The following AGL variants were observed in gnomAD, a reference collection of about 807,000 sequenced individuals.
AGL encodes the protein glycogen debranching enzyme.
AGL carries 128 observed loss-of-function variants against 199.3 expected under a neutral mutation model. The ratio of observed to expected loss-of-function variants is 0.64; its 90% CI spans 0.56 to 0.74. The LOEUF is 0.74. Ranked by LOEUF, AGL falls within the 30% of genes least tolerant of loss-of-function variation. The probability of loss-of-function intolerance (pLI) is 0.00; values close to 1 mark genes in which losing one functional copy is unlikely to be tolerated. For synonymous variants in AGL, 584 were observed against 594.7 expected (o/e 0.98, Z 0.26); for missense variants, 1,809 against 1,820.8 (o/e 0.99, Z 0.12).
intron 17 of AGL, among the ~76,000 whole-genome samples, chr1:99,883,132 T>C (rs1652184865): frequency 3.9e-5 from 6 of 152,198 alleles, no homozygotes; most frequent in Admixed American, 3.9e-4. Flanking sequence ...TTCTATAGTA[T>C]GTTTAGTAGT....
chr1:99,849,357 T>C (rs1648725241), upstream of AGL, among the ~76,000 whole-genome samples: 1 of 152,148 alleles, frequency 6.6e-6, no homozygotes, highest in Non-Finnish European at 1.5e-5. Context: ...AAATCTTCTG[T>C]CCATTTTCTC....
chr1:99,901,671 G>GTT (rs532960880), intron 26 of AGL, among the ~76,000 whole-genome samples: 1 of 139,456 alleles, frequency 7.2e-6, no homozygotes, highest in African/African-American at 2.7e-5. Flanking sequence ...ATTTTTGAGT[G>GTT]TTTTTTTTTC....
intron 2 of AGL, among the ~76,000 whole-genome samples, chr1:99,858,549 G>A (rs1162734854): frequency 1.3e-5 from 2 of 152,190 alleles, no homozygotes; most frequent in African/African-American, 4.8e-5. Flanking sequence ...TTCATTTACA[G>A]AAATGGGGAT....
intron 27 of AGL, among the ~76,000 whole-genome samples, chr1:99,905,205 G>A (rs903103586): frequency 2.6e-5 from 4 of 152,024 alleles, no homozygotes; most frequent in Non-Finnish European, 5.9e-5. Context: ...GTGTGGTGGG[G>A]GGGTGGGTCT....
chr1:99,857,654 A>G (rs1649635466), intron 2 of AGL, among the ~76,000 whole-genome samples: 1 of 151,448 alleles, frequency 6.6e-6, no homozygotes, highest in African/African-American at 2.4e-5. Context: ...CACCAAAAAA[A>G]TACGAAAACC....
At chr1:99,893,246 G>A (rs1274638884) in intron 24 of AGL, among the ~76,000 whole-genome samples, 3 of 152,124 alleles carry the variant, frequency 2.0e-5, no homozygotes, top group Non-Finnish European at 4.4e-5. Flanking sequence ...TCAAGTTACA[G>A]GAAGAAAGAA....
chr1:99,896,910 G>A (rs182852536), intron 25 of AGL, among the ~76,000 whole-genome samples: 83 of 152,150 alleles, frequency 5.5e-4, no homozygotes, highest in African/African-American at 1.9e-3. Flanking sequence ...TCCGCCTCCC[G>A]GGTTGAAGCC....
At chr1:99,911,870 C>T (rs1654775796) in intron 28 of AGL, among the ~76,000 whole-genome samples, 1 of 152,068 alleles carries the variant, frequency 6.6e-6, no homozygotes, top group African/African-American at 2.4e-5. Context: ...ATAGCTTGAA[C>T]CCAGGAGTTT....
intron 29 of AGL, 64 bp from the exon 30 acceptor site, chr1:99,913,459 TTGTC>T (rs1464098380): frequency 7.9e-7 from 1 of 1,269,782 alleles, no homozygotes; most frequent in Middle Eastern, 2.6e-4. Context: ...ATATTACTAT[TTGTC>T]TGTAACTAGA....
Position 99,877,763 on chromosome 1 carries a change from A to G in AGL, c.1546A>G (p.Thr516Ala). The G allele has an allele frequency of 6.2e-7, 1 of 1,614,058 alleles. No homozygotes were observed. The highest frequency in any genetic ancestry group is 8.5e-7 in the Non-Finnish European group (1 of 1,179,982). The change falls in exon 12 of 34, where the codon ACT (threonine) becomes GCT (alanine). Residue 516 changes from threonine to alanine, a missense_variant. Physicochemically the swap from Thr to Ala is moderately conservative, Grantham distance 58. Transcript: ENST00000361915. The stretch of plus-strand genomic sequence containing the variant: ...ACACATGAAAAAATACACTGAAATA[A>G]CTGCAACTTATTTCCAGGGAGTACG... ...WAHMKKYTEI[T>A]ATYFQGVRLD...
intron 28 of AGL, among the ~76,000 whole-genome samples, chr1:99,911,780 A>G (rs181233885): frequency 3.3e-5 from 5 of 152,180 alleles, no homozygotes; most frequent in Admixed American, 2.6e-4. Context: ...GAATTGTCCA[A>G]AAAATAGTTG....
intron 7 of AGL, among the ~76,000 whole-genome samples, chr1:99,874,069 T>A (rs1651260312): frequency 6.6e-6 from 1 of 152,074 alleles, no homozygotes; most frequent in African/African-American, 2.4e-5. Flanking sequence ...CTAAGGAATA[T>A]GGTTGATGAA....
intron 22 of AGL, 51 bp downstream of exon 22, chr1:99,891,407 T>A: frequency 6.3e-7 from 1 of 1,590,018 alleles, no homozygotes; most frequent in Non-Finnish European, 8.6e-7. Context: ...TAATAATAAA[T>A]ATTACCATGT....
intron 10 of AGL, 58 bp downstream of exon 10, chr1:99,875,513 C>T (rs1651449352): frequency 3.6e-6 from 5 of 1,400,644 alleles, no homozygotes; most frequent in Non-Finnish European, 5.0e-6. Flanking sequence ...TTGTATTTAA[C>T]TTTTGAAATT....
chr1:99,857,595 C>A (rs565060703), intron 2 of AGL, among the ~76,000 whole-genome samples: 1,660 of 151,766 alleles, frequency 0.011, 18 homozygotes, highest in Middle Eastern at 0.017. Context: ...GGATCACTCG[C>A]GGTTAGGAGC....
chr1:99,887,296 T>TA (rs1652524714), intron 20 of AGL, among the ~76,000 whole-genome samples: 1 of 152,184 alleles, frequency 6.6e-6, no homozygotes, highest in African/African-American at 2.4e-5. Flanking sequence ...TATACAGTCT[T>TA]ACTGCTAACC....
At chr1:99,914,570 A>G (rs1301555064) in intron 30 of AGL, among the ~76,000 whole-genome samples, 4 of 152,194 alleles carry the variant, frequency 2.6e-5, no homozygotes, top group African/African-American at 4.8e-5. Context: ...AAAGTACACA[A>G]AGGTAGCTTT....
intron 14 of AGL, 71 bp downstream of exon 14, chr1:99,880,866 C>A: frequency 6.6e-7 from 1 of 1,520,658 alleles, no homozygotes. Flanking sequence ...GACACTTGGT[C>A]ACAATCATAC....
chr1:99,862,950 A>T (rs76756351), intron 4 of AGL, among the ~76,000 whole-genome samples: 58 of 116,482 alleles, frequency 5.0e-4, no homozygotes, highest in East Asian at 2.0e-3. Context: ...TTAAAAAAAA[A>T]TTTTTTTTTT....
Sources: gnomAD v4.1 joint callset for allele counts (sites outside exome capture counted in the v4.1 genomes callset) on GRCh38, gnomAD v4.1.1 for gene constraint, MANE v1.5 for transcripts, NCBI Gene and HGNC (gene_info 2026-07-23, HGNC 2026-07-21) for gene names.